CD226: variants seen among roughly 807,000 people sequenced by gnomAD.
CD226 encodes CD226 molecule.
A neutral mutation model predicts 34.9 loss-of-function variants in CD226; 24 were observed. The ratio of observed to expected loss-of-function variants is 0.69; its 90% CI spans 0.50 to 0.97. CD226 has a LOEUF of 0.97. Among genes scored for constraint, CD226 ranks in the 50% least tolerant of loss-of-function variants. The pLI is 0.00. For missense variants in CD226, 397 were observed against 412.7 expected (o/e 0.96, Z 0.33); for synonymous variants, 148 against 147.4 (o/e 1.00, Z -0.03).
At chr18:69,959,353 C>A (rs1217672532), upstream of CD226, among the ~76,000 whole-genome samples, 1 of 152,082 alleles carries the variant, frequency 6.6e-6, no homozygotes, top group Admixed American at 6.5e-5. Flanking sequence ...TTTTCATGAC[C>A]CTTGCAAAAG....
intron 2 of CD226, among the ~76,000 whole-genome samples, chr18:69,918,612 G>A (rs945710443): frequency 2.6e-5 from 4 of 152,106 alleles, no homozygotes; most frequent in Admixed American, 6.5e-5. Flanking sequence ...TAATACCTCA[G>A]GCATGGTCTC....
chr18:69,872,093 G>GTGGTA (rs1356436254), intron 4 of CD226, among the ~76,000 whole-genome samples: 7 of 98,118 alleles, frequency 7.1e-5, no homozygotes, highest in Non-Finnish European at 8.6e-5. Flanking sequence ...TGTGTGTGGT[G>GTGGTA]CATTTGGTAA....
At chr18:69,932,444 GCCC>G (rs1219315056) in intron 2 of CD226, among the ~76,000 whole-genome samples, 1 of 152,094 alleles carries the variant, frequency 6.6e-6, no homozygotes, top group East Asian at 1.9e-4. Context: ...TGTTCTGAAT[GCCC>G]CCTCTTCTAA....
intron 3 of CD226, among the ~76,000 whole-genome samples, chr18:69,877,317 G>C (rs1983937266): frequency 6.6e-6 from 1 of 152,202 alleles, no homozygotes; most frequent in African/African-American, 2.4e-5. Context: ...TACAGATGAA[G>C]AGATTGGTAG....
At chr18:69,895,354 T>C (rs1044388692) in intron 3 of CD226, among the ~76,000 whole-genome samples, 2 of 152,162 alleles carry the variant, frequency 1.3e-5, no homozygotes, top group African/African-American at 4.8e-5. Context: ...ATCACCACCA[T>C]CAAAAATATT....
At chr18:69,870,318 AG>A in intron 4 of CD226, among the ~76,000 whole-genome samples, 1 of 118,584 alleles carries the variant, frequency 8.4e-6, no homozygotes, top group East Asian at 2.5e-4. Flanking sequence ...TCTGTTACCC[AG>A]GCTGGAGTAC....
chr18:69,870,775 G>A (rs1231151751), intron 4 of CD226, among the ~76,000 whole-genome samples: 5 of 152,188 alleles, frequency 3.3e-5, no homozygotes, highest in Admixed American at 3.3e-4. Flanking sequence ...TCTGATTTAT[G>A]TTGGCTTCTA....
At chr18:69,906,451 T>C (rs144848236) in intron 2 of CD226, among the ~76,000 whole-genome samples, 6 of 152,252 alleles carry the variant, frequency 3.9e-5, no homozygotes, top group African/African-American at 7.2e-5. Flanking sequence ...ACCTATGAAA[T>C]AGAAGCCATT....
In CD226 at chr18:69,861,105, T is replaced by C. The variant is rs1405794759; in HGVS notation, c.*3209A>G. ...AATCCACGAATGCCTACTAAAAGTA[T>C]TTTTACTTACTTTGTCTTTTAAATT... On this transcript the variant is annotated 3_prime_UTR_variant, in exon 6 of 6. Transcript: ENST00000582621. The C allele has an allele frequency of 1.3e-5, 2 of 152,108 alleles. No homozygotes were observed. The highest frequency in any genetic ancestry group is 2.9e-5 in the Non-Finnish European group (2 of 67,952). 9.4% of individuals were successfully genotyped at this position (152,108 alleles called of 1,614,324 possible). A position where few individuals can be genotyped will look rare whatever the true frequency, so the allele number is the denominator to read the frequency against.
At chr18:69,941,874 C>T (rs945285485) in intron 2 of CD226, among the ~76,000 whole-genome samples, 3 of 152,148 alleles carry the variant, frequency 2.0e-5, no homozygotes, top group African/African-American at 7.2e-5. Context: ...ACCCAAATCT[C>T]ATCTTGTAGT....
At chr18:69,866,247 T>A (rs1983136188) in intron 5 of CD226, among the ~76,000 whole-genome samples, 1 of 152,226 alleles carries the variant, frequency 6.6e-6, no homozygotes, top group Admixed American at 6.5e-5. Context: ...AACATATGAA[T>A]GTTGGGAAGA....
chr18:69,907,159 C>T (rs1393818791), intron 2 of CD226, among the ~76,000 whole-genome samples: 1 of 152,184 alleles, frequency 6.6e-6, no homozygotes. Flanking sequence ...TCCCTGCGAA[C>T]ACTTCCTAAT....
At chr18:69,933,361 C>T (rs563225647) in intron 2 of CD226, among the ~76,000 whole-genome samples, 2 of 152,332 alleles carry the variant, frequency 1.3e-5, no homozygotes, top group African/African-American at 4.8e-5. Context: ...CAAAGAGCAT[C>T]TCCCTGGTAT....
At chr18:69,888,318 A>G (rs1416587388) in intron 3 of CD226, among the ~76,000 whole-genome samples, 1 of 152,318 alleles carries the variant, frequency 6.6e-6, no homozygotes, top group African/African-American at 2.4e-5. Flanking sequence ...TGTAAATTCC[A>G]TATACGACAA....
intron 3 of CD226, among the ~76,000 whole-genome samples, chr18:69,893,037 A>G (rs1984998833): frequency 6.6e-6 from 1 of 152,226 alleles, no homozygotes; most frequent in Non-Finnish European, 1.5e-5. Flanking sequence ...TGCACCAGAG[A>G]AAACACAAAT....
chr18:69,889,200 T>C (rs1000671234), intron 3 of CD226, among the ~76,000 whole-genome samples: 8 of 151,790 alleles, frequency 5.3e-5, no homozygotes, highest in Admixed American at 3.3e-4. Context: ...GGGCTGAAAA[T>C]TGTGGTTGAT....
intron 4 of CD226, among the ~76,000 whole-genome samples, chr18:69,869,799 C>CTTTTTTTTTT (rs1002754140): frequency 7.1e-4 from 86 of 121,650 alleles, no homozygotes; most frequent in Non-Finnish European, 9.8e-4. Context: ...TCTTTTTTTT[C>CTTTTTTTTTT]TTTTTTTTTT....
At chr18:69,915,748 T>C (rs1049200999) in intron 2 of CD226, among the ~76,000 whole-genome samples, 1 of 152,166 alleles carries the variant, frequency 6.6e-6, no homozygotes, top group African/African-American at 2.4e-5. Context: ...CTCCATAATT[T>C]TAAATATTTT....
At chr18:69,900,416 C>T (rs1271822857) in intron 2 of CD226, among the ~76,000 whole-genome samples, 1 of 152,168 alleles carries the variant, frequency 6.6e-6, no homozygotes, top group Non-Finnish European at 1.5e-5. Context: ...TTCACATGTA[C>T]CCACAAACCT....
Sources: allele counts gnomAD v4.1 joint callset (sites outside exome capture counted in the v4.1 genomes callset), GRCh38; gene constraint gnomAD v4.1.1; transcripts MANE v1.5; gene names NCBI Gene and HGNC (gene_info 2026-07-23, HGNC 2026-07-21).